Variants in ITGA9 observed in about 807,000 individuals in gnomAD.
ITGA9 encodes integrin alpha-9.
Under a neutral mutation model 127.8 loss-of-function variants are expected in ITGA9, and 56 were observed. The observed-to-expected ratio is 0.44, with a 90% CI of 0.35 to 0.55. The LOEUF (loss-of-function observed/expected upper bound fraction) is 0.55, where lower values mean the gene tolerates loss of function less well. Among genes scored for constraint, ITGA9 ranks in the 20% least tolerant of loss-of-function variants. The pLI is 0.00. For missense variants in ITGA9, 1,196 were observed against 1,347.1 expected (o/e 0.89, Z 1.76); for synonymous variants, 508 against 514.5 (o/e 0.99, Z 0.17).
At chr3:37,615,143 A>G (rs1700061578) in intron 15 of ITGA9, among the ~76,000 whole-genome samples, 2 of 152,194 alleles carry the variant, frequency 1.3e-5, no homozygotes, top group African/African-American at 4.8e-5. Flanking sequence ...AGGTCCCATC[A>G]ATACCTAATC....
At chr3:37,528,915 A>G (rs1264827131) in intron 13 of ITGA9, among the ~76,000 whole-genome samples, 1 of 152,196 alleles carries the variant, frequency 6.6e-6, no homozygotes, top group Admixed American at 6.5e-5. Flanking sequence ...CTGGCTGGTC[A>G]TACCCCTCTC....
chr3:37,534,836 G>A (rs949156055), intron 14 of ITGA9, among the ~76,000 whole-genome samples: 1 of 152,120 alleles, frequency 6.6e-6, no homozygotes, highest in Admixed American at 6.5e-5. Context: ...AGTTGAATTT[G>A]GATCTTATGA....
At chr3:37,542,302 C>G in intron 14 of ITGA9, 123 bp from the exon 15 acceptor site, 1 of 1,048,208 alleles carries the variant, frequency 9.5e-7, no homozygotes, top group Non-Finnish European at 1.5e-6. Flanking sequence ...GGGCTGCAGT[C>G]TCCTGCCATG....
intron 16 of ITGA9, among the ~76,000 whole-genome samples, chr3:37,631,925 G>A (rs34486464): frequency 0.25 from 38,598 of 152,116 alleles, 5,030 homozygotes; most frequent in East Asian, 0.34. Flanking sequence ...AGTGTGGGCG[G>A]CCTCGTTCTC....
At chr3:37,556,084 C>T (rs1006521343) in intron 15 of ITGA9, among the ~76,000 whole-genome samples, 1 of 152,252 alleles carries the variant, frequency 6.6e-6, no homozygotes, top group African/African-American at 2.4e-5. Flanking sequence ...TTCAACTCAA[C>T]ATGTGTGAAG....
At chr3:37,672,494 T>A (rs1700646456) in intron 17 of ITGA9, among the ~76,000 whole-genome samples, 1 of 152,216 alleles carries the variant, frequency 6.6e-6, no homozygotes, top group Non-Finnish European at 1.5e-5. Context: ...CAATTAAACC[T>A]CTTTCCTTTA....
chr3:37,494,481 C>G lies in ITGA9; in HGVS notation c.545-20C>G. ...ACTGACATGGCTGTGGTTTGCTTCT[C>G]TCTCCTTCCTTCCCCCTAGAGTATA... is the stretch of plus-strand genomic sequence containing the variant. On this transcript the variant is annotated intron_variant, in intron 4 of 27. Transcript: ENST00000264741. The G allele has an allele frequency of 6.3e-7, 1 of 1,583,874 alleles. No homozygotes were observed. The highest frequency in any genetic ancestry group is 1.1e-5 in the South Asian group (1 of 90,042).
rs1340807988 is a variant in ITGA9 at position 37,744,003 on chromosome 3, G to A, written c.2402G>A (p.Cys801Tyr). ...ANFIQLDDLE[C>Y]HFQPINITLQ... Reference sequence around the variant, plus strand: ...TTCATTCAGCTGGATGACCTGGAGTGTCACTTTCAGCCCATCAATATCACC... The same window carrying A: ...TTCATTCAGCTGGATGACCTGGAGTATCACTTTCAGCCCATCAATATCACC... The change falls in exon 22 of 28, where the codon TGT becomes TAT. Residue 801 changes from cysteine to tyrosine, a missense_variant. Coordinates refer to ENST00000264741, the MANE Select transcript of ITGA9 (RefSeq NM_002207.3). The A allele has an allele frequency of 1.2e-6, 2 of 1,613,978 alleles. No homozygotes were observed. Among genetic ancestry groups the A allele is most frequent in the East Asian group, 4.5e-5 (2 of 44,878 alleles).
chr3:37,794,298 C>T (rs1697147319), intron 26 of ITGA9, among the ~76,000 whole-genome samples: 2 of 152,318 alleles, frequency 1.3e-5, no homozygotes, highest in South Asian at 2.1e-4. Context: ...TGTTGGCGAG[C>T]CCTGAGTCTC....
At chr3:37,683,578 C>G (rs540900320) in intron 17 of ITGA9, among the ~76,000 whole-genome samples, 2 of 152,312 alleles carry the variant, frequency 1.3e-5, no homozygotes, top group East Asian at 3.9e-4. Flanking sequence ...GAATCCCACG[C>G]TTAGGTTGTT....
In ITGA9 at chr3:37,609,286, G is replaced by T. The variant is rs116566384; in HGVS notation, c.1690-19901G>T. ...TTCCTATGAATTTTTACCTCACTTT[G>T]TGTCTTTTTAGGTTTGTATTGGAAC... On this transcript the variant is annotated intron_variant, in intron 15 of 27. Transcript: ENST00000264741. 3.3e-3 allele frequency among the ~76,000 whole-genome samples: 507 copies of T among 152,102 alleles called. 7 individuals carry two copies. Among genetic ancestry groups the T allele is most frequent in the African/African-American group, 0.011 (469 of 41,490 alleles).
At chr3:37,526,095 T>C in intron 13 of ITGA9, 24 bp downstream of exon 13, 2 of 1,606,890 alleles carry the variant, frequency 1.2e-6, no homozygotes, top group Non-Finnish European at 1.7e-6. Context: ...CTCTTGCTCC[T>C]TGAATTGTGC....
At chr3:37,485,358 T>C (rs1698598561) in intron 4 of ITGA9, among the ~76,000 whole-genome samples, 1 of 151,988 alleles carries the variant, frequency 6.6e-6, no homozygotes, top group Non-Finnish European at 1.5e-5. Context: ...AACCCACTTC[T>C]TGTGGGATGG....
At chr3:37,576,411 G>A (rs1391738681) in intron 15 of ITGA9, among the ~76,000 whole-genome samples, 1 of 152,212 alleles carries the variant, frequency 6.6e-6, no homozygotes, top group Non-Finnish European at 1.5e-5. Context: ...ATATGTCAAT[G>A]TTGGGATCTT....
intron 17 of ITGA9, among the ~76,000 whole-genome samples, chr3:37,680,930 A>AATTAACTTAAG (rs1553657433): frequency 1.8e-4 from 28 of 152,214 alleles, no homozygotes; most frequent in Non-Finnish European, 3.7e-4. Flanking sequence ...GCAGCTCTTA[A>AATTAACTTAAG]GTTAATTTTT....
At position 37,796,498 on chromosome 3, in the gene ITGA9, GATGA is replaced by G. The variant is rs1180990291; in HGVS notation, c.2890-7321_2890-7318del. 3.3e-5 allele frequency among the ~76,000 whole-genome samples: 5 copies of G among 151,304 alleles called. No individual in the cohort carries two copies. In the East Asian group the frequency reaches 5.8e-4, roughly 18 times the overall value. On this transcript the variant is annotated intron_variant, in intron 26 of 27. Transcript: ENST00000264741. The stretch of plus-strand genomic sequence containing the variant: ...GGATGGATGGATGGATGGATGGATG[GATGA>G]ATGGATGGATGGAACGACGGACAGA...
chr3:37,665,316 T>G (rs1271003529), intron 17 of ITGA9, among the ~76,000 whole-genome samples: 1 of 152,038 alleles, frequency 6.6e-6, no homozygotes, highest in Admixed American at 6.6e-5. Context: ...TCTCTGGCTA[T>G]AGGAATGGAT....
At chr3:37,788,396 G>A (rs112951925) in intron 26 of ITGA9, among the ~76,000 whole-genome samples, 2,068 of 152,076 alleles carry the variant, frequency 0.014, 49 homozygotes, top group African/African-American at 0.046. Flanking sequence ...TATTCTCACC[G>A]GGCGCTTGTT....
At position 37,488,937 on chromosome 3, in the gene ITGA9, A is replaced by G. The variant is rs901489156; in HGVS notation, c.545-5564A>G. ...CACCATCCATCCCCAGAACTTTTGC[A>G]TCATCCCAAACTAAAGCTCTGTACC... On this transcript the variant is annotated intron_variant, in intron 4 of 27. Coordinates refer to ENST00000264741, the MANE Select transcript of ITGA9 (RefSeq NM_002207.3). 2.0e-5 allele frequency among the ~76,000 whole-genome samples: 3 copies of G among 152,320 alleles called. No individual in the cohort carries two copies. In the East Asian group the frequency reaches 5.8e-4, roughly 29 times the overall value.
Sources: gnomAD v4.1 joint callset for allele counts (sites outside exome capture counted in the v4.1 genomes callset) on GRCh38, gnomAD v4.1.1 for gene constraint, MANE v1.5 for transcripts, NCBI Gene and HGNC (gene_info 2026-07-23, HGNC 2026-07-21) for gene names.